Variants in BRWD1 observed in about 807,000 individuals in gnomAD.
BRWD1 encodes bromodomain and WD repeat domain containing 1.
Under a neutral mutation model 251.2 loss-of-function variants are expected in BRWD1, and 82 were observed. The ratio of observed to expected loss-of-function variants is 0.33; its 90% confidence interval spans 0.27 to 0.39. The LOEUF (loss-of-function observed/expected upper bound fraction) is 0.39, where lower values mean the gene tolerates loss of function less well. BRWD1 is among the 10% of genes least tolerant of loss of function. The pLI, the probability that BRWD1 is intolerant of heterozygous loss-of-function variation, is 1.00. For synonymous variants in BRWD1, 918 were observed against 902.8 expected (o/e 1.02, Z -0.30); for missense variants, 2,233 against 2,711.6 (o/e 0.82, Z 3.92).
downstream of BRWD1, chr21:39,185,160 C>T (rs1014025531): frequency 5.8e-4 from 88 of 151,730 alleles, no homozygotes; most frequent in African/African-American, 2.1e-3. Flanking sequence ...CAAATATGTT[C>T]GAATTAAATA....
At chr21:39,203,573 A>AT (rs1420192591) in intron 37 of BRWD1, among the ~76,000 whole-genome samples, 2 of 149,444 alleles carry the variant, frequency 1.3e-5, no homozygotes, top group Non-Finnish European at 3.0e-5. Context: ...CGCCCGGCTA[A>AT]TTTTTTGTAA....
chr21:39,313,357 CAGGGGAG>C (rs1555880661), intron 1 of BRWD1, 58 bp from the exon 2 acceptor site: 8 of 1,473,480 alleles, frequency 5.4e-6, no homozygotes, highest in South Asian at 2.5e-5. Flanking sequence ...GGGACGGGGC[CAGGGGAG>C]CCGGGGGAGC....
At chr21:39,290,607 C>T (rs1244542403) in intron 8 of BRWD1, among the ~76,000 whole-genome samples, 1 of 152,078 alleles carries the variant, frequency 6.6e-6, no homozygotes, top group Non-Finnish European at 1.5e-5. Context: ...AAGACTAGAA[C>T]TCCACTTTCA....
intron 3 of BRWD1, 84 bp downstream of exon 3, chr21:39,312,988 C>CCGGGGGCGGGCGGG: frequency 1.3e-6 from 1 of 783,322 alleles, no homozygotes; most frequent in Non-Finnish European, 1.5e-6. Flanking sequence ...CGGCGGGCGG[C>CCGGGGGCGGGCGGG]GGGCGGGGGG....
chr21:39,289,113 C>T (rs2035729404), intron 8 of BRWD1, among the ~76,000 whole-genome samples: 2 of 152,178 alleles, frequency 1.3e-5, no homozygotes, highest in Admixed American at 6.5e-5. Flanking sequence ...ATTATGTTTA[C>T]ATTGACATTT....
Position 39,190,805 on chromosome 21 carries a change from C to G in BRWD1, c.*5454G>C. 1 of 984,034 alleles carries G rather than the reference C, an allele frequency of 1.0e-6. No homozygotes were observed. The highest frequency in any genetic ancestry group is 1.2e-6 in the Non-Finnish European group (1 of 829,898). The allele number at this position is 984,034 out of a possible 1,614,324, so 61.0% of individuals were successfully genotyped here. A position where few individuals can be genotyped will look rare whatever the true frequency, so the allele number is the denominator to read the frequency against. On this transcript the variant is annotated 3_prime_UTR_variant, in exon 41 of 41. Coordinates refer to ENST00000342449, the MANE Select transcript of BRWD1 (RefSeq NM_033656.4). ...AGCTGGTAACACTGCAGTATGGCAG[C>G]ATCAGGTCAAAAGACCATCAGAAAT...
At chr21:39,288,038 G>C (rs946635803) in intron 8 of BRWD1, among the ~76,000 whole-genome samples, 1 of 152,140 alleles carries the variant, frequency 6.6e-6, no homozygotes, top group Non-Finnish European at 1.5e-5. Context: ...AAGGCTGAGA[G>C]ATGCAGTCAA....
chr21:39,296,436 G>C, intron 5 of BRWD1, 73 bp from the exon 6 acceptor site: 1 of 1,432,216 alleles, frequency 7.0e-7, no homozygotes, highest in Non-Finnish European at 9.2e-7. Flanking sequence ...GAATACTTAC[G>C]TATATTGTAA....
chr21:39,316,602 G>A (rs112773960), upstream of BRWD1, among the ~76,000 whole-genome samples: 3 of 152,184 alleles, frequency 2.0e-5, no homozygotes, highest in African/African-American at 4.8e-5. Flanking sequence ...CAAAATTATC[G>A]TTCTGATACT....
Position 39,228,540 on chromosome 21 carries a change from A to C in BRWD1, c.3168T>G (p.Arg1056=), listed in dbSNP as rs1380118766. The C allele has an allele frequency of 1.9e-6, 3 of 1,613,408 alleles. No homozygotes were observed. The South Asian group carries it at 3.3e-5, about 18-fold the overall frequency. ...TCTGTCTTGCTTCATCATAAAATTG[A>C]CGCAATACAAGAAAGTCAATAACAT... The part of the protein sequence containing the change: ...MPDVIDFLVL[R]QFYDEARQRN... The change falls in exon 27 of 41, where the codon CGT becomes CGG. Residue 1056 remains arginine (R), a synonymous_variant. Transcript: ENST00000342449.
In BRWD1 at chr21:39,192,285, G is replaced by C; in HGVS notation, c.*3974C>G. 1 of 985,138 alleles carries C rather than the reference G, an allele frequency of 1.0e-6. No individual in the cohort carries two copies. Among genetic ancestry groups the C allele is most frequent in the Non-Finnish European group, 1.2e-6 (1 of 829,804 alleles). 61.0% of individuals were successfully genotyped at this position (985,138 alleles called of 1,614,324 possible). On this transcript the variant is annotated 3_prime_UTR_variant, in exon 41 of 41. Transcript: ENST00000342449. The stretch of plus-strand genomic sequence containing the variant: ...TACTTTTCAATCCTTACTATTCACA[G>C]TTTGAGCTAGGAATTAACATTTGCT...
Position 39,187,758 on chromosome 21 carries a change from A to C in BRWD1, c.*8501T>G. 5 of 984,882 alleles carry C rather than the reference A, an allele frequency of 5.1e-6. No homozygotes were observed. The highest frequency in any genetic ancestry group is 6.0e-6 in the Non-Finnish European group (5 of 829,442). 61.0% of individuals were successfully genotyped at this position (984,882 alleles called of 1,614,324 possible). On this transcript the variant is annotated 3_prime_UTR_variant, in exon 41 of 41. Coordinates refer to ENST00000342449, the MANE Select transcript of BRWD1 (RefSeq NM_033656.4). ...TACTAAATCTTAACTTCATTGTTCC[A>C]GTATTTTCTGACCTAGGTATGTGAC...
chr21:39,228,714 G>T, intron 26 of BRWD1, 132 bp from the exon 27 acceptor site: 1 of 557,388 alleles, frequency 1.8e-6, no homozygotes, highest in Non-Finnish European at 3.3e-6. Flanking sequence ...ATTTTAAAAG[G>T]TAAAACAGTA....
intron 29 of BRWD1, among the ~76,000 whole-genome samples, chr21:39,220,669 A>G (rs1384906998): frequency 6.6e-6 from 1 of 152,222 alleles, no homozygotes; most frequent in African/African-American, 2.4e-5. Flanking sequence ...TGTTAGAATT[A>G]GCAAAGACAT....
At chr21:39,214,027 T>C (rs1333849689) in intron 32 of BRWD1, among the ~76,000 whole-genome samples, 3 of 151,872 alleles carry the variant, frequency 2.0e-5, no homozygotes, top group African/African-American at 7.3e-5. Flanking sequence ...TATCTAAGCA[T>C]AAAGGAGACA....
intron 28 of BRWD1, 123 bp downstream of exon 28, chr21:39,224,963 G>A: frequency 1.4e-6 from 1 of 719,296 alleles, no homozygotes; most frequent in Admixed American, 2.3e-5. Context: ...TTTCGGGTCA[G>A]CCTGACATGA....
rs765934676 is a variant in BRWD1 at position 39,210,894 on chromosome 21, G to A, written c.3936C>T (p.Asn1312=). Reference sequence around the variant, plus strand: ...GTTTCTTCCAGTTGCTTTCAACATAGTTCGTAGCTCTGATGCTTTTTTTCC... The same window carrying A: ...GTTTCTTCCAGTTGCTTTCAACATAATTCGTAGCTCTGATGCTTTTTTTCC... ...HDGKKSIRAT[N]YVESNWKKQC... Residue 1312 remains asparagine, a synonymous_variant, in exon 35 of 41, where the codon AAC becomes AAT. Transcript: ENST00000342449. The A allele has an allele frequency of 6.2e-7, 1 of 1,611,444 alleles. No homozygotes were observed. Among genetic ancestry groups the A allele is most frequent in the Non-Finnish European group, 8.5e-7 (1 of 1,179,296 alleles).
intron 4 of BRWD1, among the ~76,000 whole-genome samples, chr21:39,307,734 AAC>A (rs902725362): frequency 2.9e-4 from 44 of 152,324 alleles, no homozygotes; most frequent in African/African-American, 8.7e-4. Flanking sequence ...ACCCCTTTAA[AAC>A]AAAAACCTCT....
intron 37 of BRWD1, among the ~76,000 whole-genome samples, chr21:39,203,399 C>T (rs2032207181): frequency 6.6e-6 from 1 of 150,484 alleles, no homozygotes; most frequent in Admixed American, 6.6e-5. Context: ...ATGATCACAC[C>T]ATGCACTCCA....
Sources: gnomAD v4.1 joint callset for allele counts (sites outside exome capture counted in the v4.1 genomes callset) on GRCh38, gnomAD v4.1.1 for gene constraint, MANE v1.5 for transcripts, NCBI Gene and HGNC (gene_info 2026-07-23, HGNC 2026-07-21) for gene names.